The following LNPEP variants were observed in gnomAD, a reference collection of about 807,000 sequenced individuals.
LNPEP encodes leucyl and cystinyl aminopeptidase, also known as leucyl-cystinyl aminopeptidase.
LNPEP carries 64 observed loss-of-function variants against 120.6 expected under a neutral mutation model. That is an observed-to-expected ratio of 0.53 (90% CI 0.43 to 0.65). LNPEP has a LOEUF of 0.65. LNPEP is among the 30% of genes least tolerant of loss of function. LNPEP has a pLI of 0.00. For synonymous variants in LNPEP, 435 were observed against 425.4 expected (o/e 1.02, Z -0.28); for missense variants, 1,057 against 1,200.0 (o/e 0.88, Z 1.76).
At chr5:96,969,366 TGAAAG>T (rs1178683026) in intron 1 of LNPEP, among the ~76,000 whole-genome samples, 1 of 151,992 alleles carries the variant, frequency 6.6e-6, no homozygotes, top group African/African-American at 2.4e-5. Context: ...GCTTTTTACT[TGAAAG>T]GAGAGGGAGA....
intron 8 of LNPEP, 96 bp downstream of exon 8, chr5:96,998,241 T>G: frequency 2.0e-6 from 2 of 999,082 alleles, no homozygotes; most frequent in Non-Finnish European, 2.9e-6. Flanking sequence ...TTTTAAAGAT[T>G]AAATGTTTTT....
Position 97,028,676 on chromosome 5 carries a change from A to G in LNPEP, c.*143A>G, listed in dbSNP as rs980377254. 19 of 747,104 alleles carry G rather than the reference A, an allele frequency of 2.5e-5. No individual in the cohort carries two copies. Among genetic ancestry groups the G allele is most frequent in the South Asian group, 2.0e-4 (11 of 55,966 alleles). 46.3% of individuals were successfully genotyped at this position (747,104 alleles called of 1,614,324 possible). A position where few individuals can be genotyped will look rare whatever the true frequency, so the allele number is the denominator to read the frequency against. On this transcript the variant is annotated 3_prime_UTR_variant, in exon 18 of 18. Coordinates refer to ENST00000231368, the MANE Select transcript of LNPEP (RefSeq NM_005575.3). ...GGAGTTCTAGTTAGCTCAGGGCCTG[A>G]CTGTATTTTTCATCCATCTTTTCTG... is the stretch of plus-strand genomic sequence containing the variant.
At chr5:97,028,063 ATTGT>A (rs1791389278) in intron 17 of LNPEP, among the ~76,000 whole-genome samples, 1 of 152,182 alleles carries the variant, frequency 6.6e-6, no homozygotes, top group African/African-American at 2.4e-5. Flanking sequence ...TGGTCATAAA[ATTGT>A]TTGGAAGAAT....
chr5:96,972,386 T>C (rs1789887890), intron 1 of LNPEP, among the ~76,000 whole-genome samples: 1 of 152,118 alleles, frequency 6.6e-6, no homozygotes, highest in Non-Finnish European at 1.5e-5. Context: ...TGAGTTCTCT[T>C]TGCTCTGGCT....
intron 13 of LNPEP, among the ~76,000 whole-genome samples, chr5:97,021,918 C>CTTTTTTTTTTTTTTT (rs1561455270): frequency 4.0e-5 from 2 of 50,008 alleles, no homozygotes; most frequent in Admixed American, 2.0e-4. Context: ...TGTTTTTTGT[C>CTTTTTTTTTTTTTTT]TTTTGTTTTT....
At position 97,018,668 on chromosome 5, in the gene LNPEP, A is replaced by G. The variant is rs13181052; in HGVS notation, c.2376+3573A>G. On this transcript the variant is annotated intron_variant, in intron 13 of 17. Coordinates refer to ENST00000231368, the MANE Select transcript of LNPEP (RefSeq NM_005575.3). ...CTCAAACTAGGAAATCTGACATTCT[A>G]CAGTTAGGAATTGGGATAGGAGACA... is the stretch of plus-strand genomic sequence containing the variant. 1.4e-3 allele frequency among the ~76,000 whole-genome samples: 206 copies of G among 152,316 alleles called. 1 individual carries two copies. Among genetic ancestry groups the G allele is most frequent in the Non-Finnish European group, 2.0e-3 (136 of 68,018 alleles).
intron 1 of LNPEP, among the ~76,000 whole-genome samples, chr5:96,959,599 A>G (rs1789549970): frequency 6.6e-6 from 1 of 152,170 alleles, no homozygotes; most frequent in Non-Finnish European, 1.5e-5. Context: ...GCTTTTAGCC[A>G]TTTATATTAG....
rs527357318 is a variant in LNPEP at position 97,026,482 on chromosome 5, G to A, written c.2724-135G>A. 109 of 635,252 alleles carry A rather than the reference G, an allele frequency of 1.7e-4. 3 individuals carry two copies. The South Asian group carries it at 2.1e-3, about 12-fold the overall frequency. 39.4% of individuals were successfully genotyped at this position (635,252 alleles called of 1,614,324 possible). ...GACATTTTCAATCTATAGATCAACC[G>A]TAGACTAATGCAACAGTTATTTCTC... On this transcript the variant is annotated intron_variant, in intron 15 of 17. Transcript: ENST00000231368.
chr5:96,995,502 A>T (rs1582013706), intron 6 of LNPEP, among the ~76,000 whole-genome samples: 1 of 148,886 alleles, frequency 6.7e-6, no homozygotes, highest in Non-Finnish European at 1.5e-5. Flanking sequence ...GCTCTTTCTG[A>T]CTTCATTTGT....
chr5:96,958,673 G>A (rs73135403), intron 1 of LNPEP: 3,843 of 188,332 alleles, frequency 0.02, 162 homozygotes, highest in African/African-American at 0.087. Context: ...GTTCCTTTCT[G>A]TAGGCTCTGG....
At chr5:97,027,453 C>G (rs2112676209) in intron 16 of LNPEP, among the ~76,000 whole-genome samples, 1 of 152,192 alleles carries the variant, frequency 6.6e-6, no homozygotes, top group South Asian at 2.1e-4. Context: ...GCTTCTTTCT[C>G]TCTTTTAAAT....
At chr5:96,981,691 C>T (rs1008456871) in intron 2 of LNPEP, among the ~76,000 whole-genome samples, 1 of 152,124 alleles carries the variant, frequency 6.6e-6, no homozygotes, top group African/African-American at 2.4e-5. Context: ...TGTATGTAAA[C>T]GTCAGACACC....
At position 96,986,636 on chromosome 5, in the gene LNPEP, T is replaced by C. The variant is rs1021557369; in HGVS notation, c.1097T>C (p.Met366Thr). The change falls in exon 4 of 18, where the codon ATG (methionine) becomes ACG (threonine). Residue 366 changes from methionine (M) to threonine (T), a missense_variant. Coordinates refer to ENST00000231368, the MANE Select transcript of LNPEP (RefSeq NM_005575.3). ...TYLVAFIVGE[M>T]KNLSQDVNGT... ...TTGGTTGCTTTCATTGTGGGAGAGA[T>C]GAAGAACCTGAGTCAGGACGTAAAT... The C allele has an allele frequency of 6.2e-7, 1 of 1,613,490 alleles. No individual in the cohort carries two copies. The highest frequency in any genetic ancestry group is 8.5e-7 in the Non-Finnish European group (1 of 1,179,686).
chr5:97,012,379 T>G (rs1790953920), intron 11 of LNPEP, among the ~76,000 whole-genome samples: 1 of 152,222 alleles, frequency 6.6e-6, no homozygotes, highest in Admixed American at 6.5e-5. Context: ...ATTAAAAATT[T>G]TTTTAAGTAT....
chr5:96,974,913 A>C (rs544136772), intron 1 of LNPEP, among the ~76,000 whole-genome samples: 5 of 152,078 alleles, frequency 3.3e-5, no homozygotes, highest in Middle Eastern at 3.4e-3. Context: ...TCCTCTGGCC[A>C]CCCAGCTCTT....
At position 96,985,015 on chromosome 5, in the gene LNPEP, C is replaced by T. The variant is rs60498968; in HGVS notation, c.861-65C>T. On this transcript the variant is annotated intron_variant, in intron 2 of 17. Transcript: ENST00000231368. ...ATTGTAACATATTTATCTTAGTATA[C>T]TTGGCAGGGTGCCTTGTACAGTAGG... is the stretch of plus-strand genomic sequence containing the variant. The T allele has an allele frequency of 2.9e-3, 4,494 of 1,544,706 alleles. 104 individuals carry two copies. In the African/African-American group the frequency reaches 0.052, roughly 18 times the overall value.
chr5:96,936,128 G>C lies in LNPEP; in HGVS notation c.-28G>C, dbSNP rs543713716. ...TCGGAGTAGGAAGCTCGGGCGCTCCGGCTGTAAGGAGCCGCGGCGGGGGGA... is the reference window on the plus strand; with the variant it reads ...TCGGAGTAGGAAGCTCGGGCGCTCCCGCTGTAAGGAGCCGCGGCGGGGGGA... On this transcript the variant is annotated 5_prime_UTR_variant, in exon 1 of 18. Transcript: ENST00000231368. 189 of 1,515,304 alleles carry C rather than the reference G, an allele frequency of 1.2e-4. 2 individuals are homozygous for C. The African/African-American group carries it at 2.4e-3, about 20-fold the overall frequency. The allele number at this position is 1,515,304 out of a possible 1,614,324, so 93.9% of individuals were successfully genotyped here.
chr5:96,981,283 A>G (rs1384954653), intron 2 of LNPEP, among the ~76,000 whole-genome samples: 2 of 152,202 alleles, frequency 1.3e-5, no homozygotes. Flanking sequence ...CTTGAAAGGT[A>G]TAAATAATCT....
At chr5:96,959,962 C>T (rs1439214048) in intron 1 of LNPEP, among the ~76,000 whole-genome samples, 1 of 134,152 alleles carries the variant, frequency 7.5e-6, no homozygotes, top group Non-Finnish European at 1.6e-5. Flanking sequence ...TTTTTGAGAC[C>T]AAGTCTCACT....
Sources: gnomAD v4.1 joint callset for allele counts (sites outside exome capture counted in the v4.1 genomes callset) on GRCh38, gnomAD v4.1.1 for gene constraint, MANE v1.5 for transcripts, NCBI Gene and HGNC (gene_info 2026-07-23, HGNC 2026-07-21) for gene names.